PRKD3: variants seen among roughly 807,000 people sequenced by gnomAD.
The protein encoded by PRKD3 is serine/threonine-protein kinase D3.
PRKD3 carries 47 observed loss-of-function variants against 99.2 expected under a neutral mutation model. The observed-to-expected ratio is 0.47, with a 90% CI of 0.38 to 0.60. PRKD3 has a LOEUF of 0.60. PRKD3 is among the 20% of genes least tolerant of loss of function. PRKD3 has a pLI of 0.00. For synonymous variants in PRKD3, 392 were observed against 355.4 expected (o/e 1.10, Z -1.16); for missense variants, 1,019 against 1,088.4 (o/e 0.94, Z 0.90).
intron 14 of PRKD3, among the ~76,000 whole-genome samples, chr2:37,266,988 T>C (rs1668887598): frequency 6.6e-6 from 1 of 152,214 alleles, no homozygotes; most frequent in East Asian, 1.9e-4. Flanking sequence ...ATTGAAATCA[T>C]TGCCAATATA....
chr2:37,305,682 T>C (rs1302825383), intron 2 of PRKD3, among the ~76,000 whole-genome samples: 1 of 152,228 alleles, frequency 6.6e-6, no homozygotes, highest in Non-Finnish European at 1.5e-5. Flanking sequence ...ATAGTTTTTT[T>C]ATACGTTAAA....
chr2:37,268,322 CTGATGACAGGA>C (rs752968828), intron 13 of PRKD3: 2 of 470,836 alleles, frequency 4.2e-6, no homozygotes, highest in South Asian at 3.1e-5. Context: ...CTTTGTTCCT[CTGATGACAGGA>C]AGTCCTCCAG....
intron 2 of PRKD3, among the ~76,000 whole-genome samples, chr2:37,299,467 G>A (rs1014519657): frequency 4.0e-5 from 6 of 151,066 alleles, no homozygotes; most frequent in African/African-American, 1.2e-4. Flanking sequence ...TCAGGAGTTC[G>A]AGACTAGCCT....
At chr2:37,285,540 C>A (rs1215347918) in intron 6 of PRKD3, among the ~76,000 whole-genome samples, 1 of 151,894 alleles carries the variant, frequency 6.6e-6, no homozygotes, top group Non-Finnish European at 1.5e-5. Flanking sequence ...CAAAAAAAAC[C>A]CAAAACTCTT....
Position 37,316,954 on chromosome 2 carries a change from G to A in PRKD3, c.-430C>T. The A allele has an allele frequency of 1.0e-6, 1 of 998,432 alleles. No individual in the cohort carries two copies. The highest frequency in any genetic ancestry group is 1.2e-6 in the Non-Finnish European group (1 of 838,170). The allele number at this position is 998,432 out of a possible 1,614,324, so 61.8% of individuals were successfully genotyped here. Reference sequence around the variant, plus strand: ...CCTCTTCGTTTAAAAAACAGTAAGTGTTTTGGATTAATCTATTCAGTACTT... The same window carrying A: ...CCTCTTCGTTTAAAAAACAGTAAGTATTTTGGATTAATCTATTCAGTACTT... On this transcript the variant is annotated 5_prime_UTR_variant, in exon 2 of 19. Transcript: ENST00000234179.
intron 14 of PRKD3, among the ~76,000 whole-genome samples, chr2:37,260,840 TATA>T (rs1668381439): frequency 6.6e-6 from 1 of 152,228 alleles, no homozygotes. Context: ...CTTATAATAT[TATA>T]ATCATTAATT....
rs1173928001 is a variant in PRKD3, at chr2:37,250,863, G to A, written c.*2314C>T. The A allele has an allele frequency of 6.6e-6, 1 of 152,524 alleles. No individual in the cohort carries two copies. The highest frequency in any genetic ancestry group is 2.4e-5 in the African/African-American group (1 of 41,400). The allele number at this position is 152,524 out of a possible 1,614,324, so 9.4% of individuals were successfully genotyped here. ...TAGCAATTACTTCTTTTACAAACACGACTTAAAGACAAAAAGTTATGCAGG... is the reference window on the plus strand; with the variant it reads ...TAGCAATTACTTCTTTTACAAACACAACTTAAAGACAAAAAGTTATGCAGG... On this transcript the variant is annotated 3_prime_UTR_variant, in exon 19 of 19. Transcript: ENST00000234179.
intron 2 of PRKD3, among the ~76,000 whole-genome samples, chr2:37,315,088 T>C (rs1460115421): frequency 6.6e-6 from 1 of 152,186 alleles, no homozygotes; most frequent in African/African-American, 2.4e-5. Context: ...ATGAAGAGCA[T>C]GAATTCCCAG....
intron 14 of PRKD3, among the ~76,000 whole-genome samples, chr2:37,266,257 G>A (rs899017877): frequency 6.6e-6 from 1 of 152,150 alleles, no homozygotes; most frequent in Non-Finnish European, 1.5e-5. Flanking sequence ...CTTCTTCAAG[G>A]AAACTCAAGT....
chr2:37,267,898 C>G, intron 13 of PRKD3: 1 of 214,452 alleles, frequency 4.7e-6, no homozygotes, highest in Non-Finnish European at 9.1e-6. Flanking sequence ...ATTCTAGATT[C>G]AATGAGTCAG....
Position 37,321,832 on chromosome 2 carries a change from G to A in PRKD3, c.-656+2849C>T, listed in dbSNP as rs1335266624. Among the ~76,000 whole-genome samples the A allele has an allele frequency of 2.6e-5, 4 of 152,222 alleles. 1 individual carries two copies. The East Asian group carries it at 5.8e-4, about 22-fold the overall frequency. ...GATCTCTGGATAAGCAAGAGTCAAC[G>A]ATGCAAAGAGACAGACAAAAGGATT... is the stretch of plus-strand genomic sequence containing the variant. On this transcript the variant is annotated intron_variant, in intron 1 of 18. Transcript: ENST00000234179.
intron 2 of PRKD3, among the ~76,000 whole-genome samples, chr2:37,306,487 C>T (rs561834303): frequency 8.5e-4 from 129 of 152,102 alleles, no homozygotes; most frequent in African/African-American, 2.9e-3. Context: ...TAACTATATC[C>T]ATACTCACAA....
At chr2:37,323,634 A>T (rs1671975831) in intron 1 of PRKD3, among the ~76,000 whole-genome samples, 1 of 152,180 alleles carries the variant, frequency 6.6e-6, no homozygotes, top group African/African-American at 2.4e-5. Flanking sequence ...GGAAAATGAA[A>T]ATCGCTAAAA....
At chr2:37,262,785 A>C in intron 14 of PRKD3, among the ~76,000 whole-genome samples, 1 of 151,984 alleles carries the variant, frequency 6.6e-6, no homozygotes, top group Non-Finnish European at 1.5e-5. Flanking sequence ...TACATTTTCT[A>C]TTTCCTCTGG....
chr2:37,305,956 T>C (rs1195151163), intron 2 of PRKD3, among the ~76,000 whole-genome samples: 1 of 152,152 alleles, frequency 6.6e-6, no homozygotes, highest in East Asian at 1.9e-4. Context: ...CAGAAGTAAC[T>C]TGAAAAGGGC....
intron 11 of PRKD3, among the ~76,000 whole-genome samples, chr2:37,273,657 G>C (rs1669417852): frequency 6.6e-6 from 1 of 152,096 alleles, no homozygotes; most frequent in Non-Finnish European, 1.5e-5. Flanking sequence ...TCAGGGCCTA[G>C]CATAATAGTT....
chr2:37,267,027 C>G (rs1668891435), intron 14 of PRKD3, among the ~76,000 whole-genome samples: 1 of 152,022 alleles, frequency 6.6e-6, no homozygotes, highest in African/African-American at 2.4e-5. Context: ...ATCGACTAAG[C>G]CATTACAAAA....
intron 6 of PRKD3, among the ~76,000 whole-genome samples, chr2:37,284,222 T>C (rs901961222): frequency 6.6e-6 from 1 of 152,206 alleles, no homozygotes; most frequent in African/African-American, 2.4e-5. Context: ...TTTTTAAGTA[T>C]CTTAATTCAT....
chr2:37,256,344 G>T (rs957192969), intron 17 of PRKD3, among the ~76,000 whole-genome samples: 1 of 151,944 alleles, frequency 6.6e-6, no homozygotes, highest in African/African-American at 2.4e-5. Flanking sequence ...CCTGAAGATA[G>T]ATTTGGCAGT....
Sources: allele counts gnomAD v4.1 joint callset (sites outside exome capture counted in the v4.1 genomes callset), GRCh38; gene constraint gnomAD v4.1.1; transcripts MANE v1.5; gene names NCBI Gene and HGNC (gene_info 2026-07-23, HGNC 2026-07-21).